Variants in CNTNAP2 observed in about 807,000 individuals in gnomAD.
CNTNAP2 encodes contactin-associated protein-like 2.
Under a neutral mutation model 155.2 loss-of-function variants are expected in CNTNAP2, and 98 were observed. The observed-to-expected ratio is 0.63, with a 90% CI of 0.54 to 0.75. The LOEUF is 0.75. CNTNAP2 is among the 30% of genes least tolerant of loss of function. The probability of loss-of-function intolerance (pLI) is 0.00; values close to 1 mark genes in which losing one functional copy is unlikely to be tolerated. For synonymous variants in CNTNAP2, 651 were observed against 631.2 expected, an observed-to-expected ratio of 1.03 and a Z score of -0.47; for missense variants, 1,727 against 1,688.1, an observed-to-expected ratio of 1.02 and a Z score of -0.40.
intron 1 of CNTNAP2, among the ~76,000 whole-genome samples, chr7:146,278,149 G>C (rs6970046): frequency 0.023 from 3,450 of 152,252 alleles, 145 homozygotes; most frequent in African/African-American, 0.079. Context: ...TATAGTTTTA[G>C]ATGGGCTAAT....
At chr7:147,792,247 A>T (rs917432107) in intron 13 of CNTNAP2, among the ~76,000 whole-genome samples, 2 of 152,200 alleles carry the variant, frequency 1.3e-5, no homozygotes, top group Non-Finnish European at 2.9e-5. Flanking sequence ...TGCTGTTAGT[A>T]TAGTCACGGT....
At chr7:146,457,221 T>G (rs981182633) in intron 1 of CNTNAP2, among the ~76,000 whole-genome samples, 5 of 151,656 alleles carry the variant, frequency 3.3e-5, no homozygotes, top group African/African-American at 1.2e-4. Flanking sequence ...TTTAGAAGTG[T>G]TGAATTAGAT....
At chr7:147,956,491 G>A (rs1278237260) in intron 14 of CNTNAP2, among the ~76,000 whole-genome samples, 1 of 152,180 alleles carries the variant, frequency 6.6e-6, no homozygotes, top group Non-Finnish European at 1.5e-5. Context: ...CTTGCAATTA[G>A]TCTGAGAAGC....
chr7:147,465,564 C>T (rs1584964290), intron 10 of CNTNAP2, among the ~76,000 whole-genome samples: 1 of 152,172 alleles, frequency 6.6e-6, no homozygotes, highest in East Asian at 1.9e-4. Context: ...TTTTATATGT[C>T]TAAATGGCAA....
At chr7:146,379,041 C>G (rs1455209537) in intron 1 of CNTNAP2, among the ~76,000 whole-genome samples, 1 of 152,252 alleles carries the variant, frequency 6.6e-6, no homozygotes. Context: ...TCTTCTCTGG[C>G]TCTCCTTTGC....
intron 1 of CNTNAP2, among the ~76,000 whole-genome samples, chr7:146,328,582 T>C (rs1223847874): frequency 1.3e-5 from 2 of 151,784 alleles, no homozygotes; most frequent in Non-Finnish European, 2.9e-5. Flanking sequence ...CACAGCAAAT[T>C]TGAAGTATAC....
At chr7:146,841,681 T>C (rs1225548774) in intron 3 of CNTNAP2, among the ~76,000 whole-genome samples, 3 of 152,178 alleles carry the variant, frequency 2.0e-5, no homozygotes, top group Non-Finnish European at 4.4e-5. Flanking sequence ...GTTCACATTT[T>C]TGTATTTGTA....
chr7:146,409,876 C>CT (rs370976681), intron 1 of CNTNAP2, among the ~76,000 whole-genome samples: 4 of 152,310 alleles, frequency 2.6e-5, no homozygotes, highest in African/African-American at 9.6e-5. Context: ...ACATTTACCA[C>CT]TTCAAGGTCT....
intron 2 of CNTNAP2, among the ~76,000 whole-genome samples, chr7:146,791,079 C>T (rs1472086773): frequency 1.3e-5 from 2 of 151,884 alleles, no homozygotes; most frequent in East Asian, 3.9e-4. Context: ...CAGCCCCTAC[C>T]CCCTGACAGG....
chr7:147,695,692 C>G (rs1268604376), intron 13 of CNTNAP2, among the ~76,000 whole-genome samples: 1 of 152,086 alleles, frequency 6.6e-6, no homozygotes, highest in East Asian at 1.9e-4. Context: ...ATCCCAGCTA[C>G]TCTGGAGACT....
rs62481843 is a variant in CNTNAP2 at position 146,671,065 on chromosome 7, C to T, written c.98-103206C>T. On this transcript the variant is annotated intron_variant, in intron 1 of 23. Coordinates refer to ENST00000361727, the MANE Select transcript of CNTNAP2 (RefSeq NM_014141.6). The stretch of plus-strand genomic sequence containing the variant: ...CAGCTCCTCAAATTCTTGACCAGGA[C>T]AGCTTATCTCAGAGTTAGAAAACTC... 8.1e-3 allele frequency among the ~76,000 whole-genome samples: 1,238 copies of T among 152,300 alleles called. 6 individuals are homozygous for T. Among genetic ancestry groups the T allele is most frequent in the Non-Finnish European group, 0.014 (961 of 68,026 alleles).
chr7:148,347,573 T>G (rs1191865995), intron 21 of CNTNAP2, among the ~76,000 whole-genome samples: 2 of 152,188 alleles, frequency 1.3e-5, no homozygotes, highest in African/African-American at 4.8e-5. Flanking sequence ...ACCAAGATAA[T>G]AAATTAGGCC....
chr7:148,160,020 C>G (rs1274160721), intron 17 of CNTNAP2, among the ~76,000 whole-genome samples: 2 of 152,152 alleles, frequency 1.3e-5, no homozygotes, highest in African/African-American at 4.8e-5. Flanking sequence ...AGGCAAATCT[C>G]TTGTGCCCAG....
chr7:146,469,380 TA>T lies in CNTNAP2; in HGVS notation c.98-304879del, dbSNP rs571664470. 3.1e-3 allele frequency among the ~76,000 whole-genome samples: 446 copies of T among 144,970 alleles called. 1 individual carries two copies. The highest frequency in any genetic ancestry group is 5.8e-3 in the East Asian group (29 of 5,016). ...TACCCTGAGAAAATGTTGGAAGCAT[TA>T]AAAAAAAAAAATAGTGCCACTGCCC... On this transcript the variant is annotated intron_variant, in intron 1 of 23. Coordinates refer to ENST00000361727, the MANE Select transcript of CNTNAP2 (RefSeq NM_014141.6).
At chr7:146,991,153 T>C (rs2129238839) in intron 3 of CNTNAP2, among the ~76,000 whole-genome samples, 1 of 152,268 alleles carries the variant, frequency 6.6e-6, no homozygotes, top group East Asian at 1.9e-4. Context: ...AAATTAGATC[T>C]AGCCCAGTCT....
chr7:147,676,922 T>A (rs1186206876), intron 13 of CNTNAP2, among the ~76,000 whole-genome samples: 1 of 151,958 alleles, frequency 6.6e-6, no homozygotes, highest in Non-Finnish European at 1.5e-5. Context: ...CATCAATGGA[T>A]ACTTAGATTG....
chr7:148,130,519 G>T (rs59906748), intron 16 of CNTNAP2, among the ~76,000 whole-genome samples: 1 of 152,114 alleles, frequency 6.6e-6, no homozygotes, highest in Non-Finnish European at 1.5e-5. Context: ...TACAGATCTG[G>T]TCCAGTTACT....
chr7:148,298,384 G>A (rs566394273), intron 21 of CNTNAP2, among the ~76,000 whole-genome samples: 38 of 152,298 alleles, frequency 2.5e-4, no homozygotes, highest in Middle Eastern at 3.4e-3. Flanking sequence ...CTAGGCTGGG[G>A]CAACGGGAGG....
chr7:146,497,887 TTA>T (rs950244607), intron 1 of CNTNAP2, among the ~76,000 whole-genome samples: 2 of 136,790 alleles, frequency 1.5e-5, no homozygotes, highest in African/African-American at 5.8e-5. Context: ...ATATATACAA[TTA>T]TATATGTTTA....
Sources: allele counts gnomAD v4.1 joint callset (sites outside exome capture counted in the v4.1 genomes callset), GRCh38; gene constraint gnomAD v4.1.1; transcripts MANE v1.5; gene names NCBI Gene and HGNC (gene_info 2026-07-23, HGNC 2026-07-21).